The following POLB variants were observed in gnomAD, a reference collection of about 807,000 sequenced individuals.
POLB encodes the protein 5'-dRP lyase.
POLB carries 37 observed loss-of-function variants against 52.7 expected under a neutral mutation model. The observed-to-expected ratio is 0.70, with a 90% CI of 0.54 to 0.92. POLB has a LOEUF of 0.92. Ranked by LOEUF, POLB falls within the 40% of genes least tolerant of loss-of-function variation. The pLI is 0.00. For missense variants in POLB, 313 were observed against 400.8 expected, an observed-to-expected ratio of 0.78 and a Z score of 1.87; for synonymous variants, 138 against 131.3, an observed-to-expected ratio of 1.05 and a Z score of -0.35.
intron 2 of POLB, chr8:42,341,794 C>G: frequency 2.0e-6 from 1 of 496,050 alleles, no homozygotes; most frequent in Non-Finnish European, 3.8e-6. Flanking sequence ...CCTCCTGAGC[C>G]GTGGGGAAGC....
intron 5 of POLB, 57 bp from the exon 6 acceptor site, chr8:42,352,462 T>C: frequency 9.3e-7 from 1 of 1,070,526 alleles, no homozygotes; most frequent in Non-Finnish European, 1.5e-6. Flanking sequence ...TAAGACATGG[T>C]TGTTACAAGG....
intron 11 of POLB, among the ~76,000 whole-genome samples, chr8:42,363,199 AT>A (rs1408812483): frequency 3.3e-5 from 5 of 151,790 alleles, no homozygotes; most frequent in Non-Finnish European, 7.4e-5. Flanking sequence ...TTAGGAAAGA[AT>A]TTTCTTTTAA....
chr8:42,349,111 C>G, intron 4 of POLB, 21 bp downstream of exon 4: 1 of 1,392,778 alleles, frequency 7.2e-7, no homozygotes, highest in Non-Finnish European at 1.0e-6. Context: ...AACTTGTTTA[C>G]TTCATTAATT....
At chr8:42,352,667 A>C in intron 6 of POLB, 99 bp downstream of exon 6, 2 of 755,174 alleles carry the variant, frequency 2.6e-6, no homozygotes, top group South Asian at 2.9e-5. Context: ...ATTCTCAATC[A>C]GTAGATACAA....
chr8:42,369,256 A>C lies in POLB; in HGVS notation c.709-15A>C. The C allele has an allele frequency of 6.6e-7, 1 of 1,514,932 alleles. No individual in the cohort carries two copies. Among genetic ancestry groups the C allele is most frequent in the Non-Finnish European group, 9.2e-7 (1 of 1,092,534 alleles). The allele number at this position is 1,514,932 out of a possible 1,614,324, so 93.8% of individuals were successfully genotyped here. ...TTAGAACATCTTTAAACTTGGTTTA[A>C]AATGTTCATTTTAGGGTGTTTGCCA... On this transcript the variant is annotated splice_polypyrimidine_tract_variant and intron_variant, in intron 11 of 13. Coordinates refer to ENST00000265421, the MANE Select transcript of POLB (RefSeq NM_002690.3).
intron 9 of POLB, among the ~76,000 whole-genome samples, chr8:42,358,823 A>C (rs59423074): frequency 0.24 from 36,775 of 152,144 alleles, 8,734 homozygotes; most frequent in African/African-American, 0.62. Flanking sequence ...TCGCAAAATG[A>C]GAGAACTGAA....
chr8:42,365,044 A>G (rs1158812511), intron 11 of POLB, among the ~76,000 whole-genome samples: 2 of 152,158 alleles, frequency 1.3e-5, no homozygotes, highest in South Asian at 2.1e-4. Context: ...CCATGATCGC[A>G]CTACTGCACT....
chr8:42,344,134 CAAAAAAAAAAAAAA>C (rs34085444), intron 2 of POLB, among the ~76,000 whole-genome samples: 1 of 59,020 alleles, frequency 1.7e-5, no homozygotes, highest in African/African-American at 6.2e-5. Context: ...GACTCCGTCT[CAAAAAAAAAAAAAA>C]AAAAAAAAAA....
chr8:42,356,629 C>T (rs1204804723), intron 7 of POLB, among the ~76,000 whole-genome samples: 1 of 151,980 alleles, frequency 6.6e-6, no homozygotes, highest in African/African-American at 2.4e-5. Context: ...CAGACCTAGG[C>T]AGCTGCTCAT....
In POLB at chr8:42,371,678, GAC is replaced by G. The variant is rs1824412654; in HGVS notation, c.*25_*26del. 7.2e-7 allele frequency: 1 copy of G among 1,388,940 alleles called. No homozygotes were observed. The highest frequency in any genetic ancestry group is 2.3e-5 in the East Asian group (1 of 43,808). 86.0% of individuals were successfully genotyped at this position (1,388,940 alleles called of 1,614,324 possible). A position where few individuals can be genotyped will look rare whatever the true frequency, so the allele number is the denominator to read the frequency against. On this transcript the variant is annotated 3_prime_UTR_variant, in exon 14 of 14. Transcript: ENST00000265421. The stretch of plus-strand genomic sequence containing the variant: ...AATGAGGCCTGTATCCTCCCTGGCA[GAC>G]ACAACCCAATAGGAGTCTTAATTTA...
At chr8:42,345,317 TAAG>T (rs1378250119) in intron 3 of POLB, among the ~76,000 whole-genome samples, 1 of 152,246 alleles carries the variant, frequency 6.6e-6, no homozygotes, top group East Asian at 1.9e-4. Context: ...TGTTGGTTTT[TAAG>T]AAGAGTGACC....
intron 2 of POLB, chr8:42,340,222 G>A (rs577283674): frequency 6.6e-6 from 1 of 152,264 alleles, no homozygotes; most frequent in Non-Finnish European, 1.5e-5. Context: ...GTTGGTATAG[G>A]TTGAGCATCC....
At chr8:42,369,637 A>C in intron 12 of POLB, 1 of 527,594 alleles carries the variant, frequency 1.9e-6, no homozygotes, top group East Asian at 3.0e-5. Context: ...TCATTTCTCC[A>C]CATCTCTTTC....
rs752787965 is a variant in POLB, at chr8:42,339,085, A to G, written c.119+16A>G. The G allele has an allele frequency of 1.7e-5, 27 of 1,597,448 alleles. No individual in the cohort carries two copies. The highest frequency in any genetic ancestry group is 1.5e-5 in the Non-Finnish European group (18 of 1,164,802). ...ATGCTTACAGGTGGGACAGTGCAGC[A>G]TTCTCGGGTAGCATACGTTCTGGGA... On this transcript the variant is annotated intron_variant, in intron 2 of 13. Transcript: ENST00000265421.
At chr8:42,344,507 T>A (rs1253777504) in intron 2 of POLB, among the ~76,000 whole-genome samples, 1 of 150,662 alleles carries the variant, frequency 6.6e-6, no homozygotes, top group Non-Finnish European at 1.5e-5. Flanking sequence ...TTAGGTGGTC[T>A]GTCAGCTCAT....
At chr8:42,368,770 C>T (rs1824194844) in intron 11 of POLB, among the ~76,000 whole-genome samples, 3 of 152,238 alleles carry the variant, frequency 2.0e-5, no homozygotes, top group South Asian at 4.1e-4. Context: ...AACTCTTTTA[C>T]TTCTGCTACC....
chr8:42,352,449 T>C, intron 5 of POLB, 70 bp from the exon 6 acceptor site: 1 of 958,896 alleles, frequency 1.0e-6, no homozygotes. Context: ...CTCTTCTTAC[T>C]ATTAAGACAT....
At chr8:42,346,990 C>A (rs1822658262) in intron 3 of POLB, among the ~76,000 whole-genome samples, 1 of 152,120 alleles carries the variant, frequency 6.6e-6, no homozygotes, top group Non-Finnish European at 1.5e-5. Context: ...TCAGGAACTA[C>A]TCCTGCTTCC....
intron 6 of POLB, among the ~76,000 whole-genome samples, chr8:42,355,030 T>G (rs1039955925): frequency 2.0e-4 from 31 of 152,102 alleles, no homozygotes; most frequent in Non-Finnish European, 4.4e-4. Flanking sequence ...GTGATTCTGT[T>G]TTTTTTTGTT....
Sources: gnomAD v4.1 joint callset for allele counts (sites outside exome capture counted in the v4.1 genomes callset) on GRCh38, gnomAD v4.1.1 for gene constraint, MANE v1.5 for transcripts, NCBI Gene and HGNC (gene_info 2026-07-23, HGNC 2026-07-21) for gene names.